Variants in ZNF492 observed in about 807,000 individuals in gnomAD.
The protein encoded by ZNF492 is zinc finger protein 492, also known as zinc finger protein 115 (Y20).
Under a neutral mutation model 6.4 loss-of-function variants are expected in ZNF492, and 3 were observed. That is an observed-to-expected ratio of 0.47 (90% CI 0.21 to 1.22). The LOEUF (loss-of-function observed/expected upper bound fraction) is 1.22, where lower values mean the gene tolerates loss of function less well. Ranked by LOEUF, ZNF492 falls within the 50% of genes most tolerant of loss-of-function variation. ZNF492 has a pLI of 0.22. For synonymous variants in ZNF492, 112 were observed against 205.3 expected, an observed-to-expected ratio of 0.55 and a Z score of 3.89; for missense variants, 356 against 612.5, an observed-to-expected ratio of 0.58 and a Z score of 4.42.
intron 1 of ZNF492, among the ~76,000 whole-genome samples, chr19:22,647,307 A>G (rs980715263): frequency 1.5e-5 from 2 of 132,490 alleles, no homozygotes; most frequent in Middle Eastern, 4.1e-3. Flanking sequence ...CCCAGGCTGG[A>G]GTGTAATTGT....
chr19:22,647,872 A>G (rs1321577164), intron 1 of ZNF492, among the ~76,000 whole-genome samples: 6 of 151,466 alleles, frequency 4.0e-5, no homozygotes, highest in African/African-American at 1.5e-4. Context: ...CTGGGATTAT[A>G]GGTGCCCACC....
intron 3 of ZNF492, among the ~76,000 whole-genome samples, chr19:22,655,916 C>T (rs1971992547): frequency 6.9e-6 from 1 of 144,344 alleles, no homozygotes; most frequent in Admixed American, 6.9e-5. Flanking sequence ...CCTCCACCTC[C>T]CAGGTTCAAG....
chr19:22,637,601 A>G (rs934464814), intron 1 of ZNF492, among the ~76,000 whole-genome samples: 3 of 152,132 alleles, frequency 2.0e-5, no homozygotes, highest in African/African-American at 4.8e-5. Context: ...CAGCCATACC[A>G]TATTTTCTTT....
intron 1 of ZNF492, among the ~76,000 whole-genome samples, chr19:22,640,335 T>A (rs1971814213): frequency 6.6e-6 from 1 of 152,164 alleles, no homozygotes; most frequent in Admixed American, 6.5e-5. Context: ...CTAATTTTTG[T>A]ATTTTTAGTA....
intron 1 of ZNF492, among the ~76,000 whole-genome samples, chr19:22,647,250 GTT>G (rs1267723518): frequency 2.2e-5 from 3 of 135,618 alleles, no homozygotes; most frequent in Non-Finnish European, 4.6e-5. Flanking sequence ...TTGTTTGTTT[GTT>G]TGTTGTTGTT....
At chr19:22,656,468 C>T (rs1361272643) in intron 3 of ZNF492, among the ~76,000 whole-genome samples, 1 of 152,170 alleles carries the variant, frequency 6.6e-6, no homozygotes, top group East Asian at 1.9e-4. Context: ...CCCATGGTCA[C>T]TGTGTGGGTT....
At chr19:22,646,536 A>G (rs1399866268) in intron 1 of ZNF492, among the ~76,000 whole-genome samples, 1 of 152,190 alleles carries the variant, frequency 6.6e-6, no homozygotes, top group Non-Finnish European at 1.5e-5. Context: ...TGCCCTGGCC[A>G]TAACTTCTAA....
At position 22,663,680 on chromosome 19, in the gene ZNF492, C is replaced by T. The variant is rs1024449688; in HGVS notation, c.131-120C>T. On this transcript the variant is annotated intron_variant, in intron 3 of 3. Coordinates refer to ENST00000456783, the MANE Select transcript of ZNF492 (RefSeq NM_020855.3). ...TTATATGTCTGTGAAAATGTTAGAG[C>T]GTGTAATATTTTGCTGTAACATCTT... 38 of 850,308 alleles carry T rather than the reference C, an allele frequency of 4.5e-5. 1 individual carries two copies. Among genetic ancestry groups the T allele is most frequent in the African/African-American group, 7.2e-5 (4 of 55,450 alleles). The allele number at this position is 850,308 out of a possible 1,614,324, so 52.7% of individuals were successfully genotyped here.
intron 3 of ZNF492, among the ~76,000 whole-genome samples, chr19:22,663,598 A>G (rs2145263400): frequency 6.6e-6 from 1 of 152,264 alleles, no homozygotes; most frequent in South Asian, 2.1e-4. Flanking sequence ...CACCTGGGGC[A>G]CTGCACACAC....
chr19:22,648,573 G>A (rs2145250683), intron 1 of ZNF492, among the ~76,000 whole-genome samples: 1 of 152,332 alleles, frequency 6.6e-6, no homozygotes, highest in East Asian at 1.9e-4. Flanking sequence ...GATTGTGTGG[G>A]CGTCTAAGTC....
chr19:22,645,472 C>T (rs1472647730), intron 1 of ZNF492, among the ~76,000 whole-genome samples: 1 of 152,058 alleles, frequency 6.6e-6, no homozygotes. Flanking sequence ...CTGTAGGTTG[C>T]CTGTTCACTC....
At chr19:22,645,681 T>C (rs111735465) in intron 1 of ZNF492, among the ~76,000 whole-genome samples, 1 of 152,226 alleles carries the variant, frequency 6.6e-6, no homozygotes, top group African/African-American at 2.4e-5. Context: ...TTAATCCATC[T>C]TGAGTAAATT....
intron 1 of ZNF492, among the ~76,000 whole-genome samples, chr19:22,650,814 C>T (rs1269084684): frequency 1.3e-5 from 2 of 152,096 alleles, no homozygotes; most frequent in African/African-American, 2.4e-5. Flanking sequence ...AGATGACTGC[C>T]GCCCTTCCCC....
At chr19:22,635,384 A>T (rs1156322896) in intron 1 of ZNF492, among the ~76,000 whole-genome samples, 1 of 152,226 alleles carries the variant, frequency 6.6e-6, no homozygotes, top group Non-Finnish European at 1.5e-5. Context: ...AAAATCTCAA[A>T]TGCCAACTTC....
intron 1 of ZNF492, among the ~76,000 whole-genome samples, chr19:22,636,186 G>A (rs556695443): frequency 4.0e-5 from 6 of 151,246 alleles, no homozygotes; most frequent in East Asian, 2.0e-4. Flanking sequence ...GGCAACCTCC[G>A]CCTCCCAGGT....
rs1186036109 is a variant in ZNF492 at position 22,652,237 on chromosome 19, T to A, written c.-93-1070T>A. On this transcript the variant is annotated intron_variant, in intron 1 of 3. Transcript: ENST00000456783. ...TTTCTTAGGCTTTTTTTTTTTTTTT[T>A]TGAGACGGAGTCTCGCTCTGTCGCC... Among the ~76,000 whole-genome samples the A allele has an allele frequency of 4.7e-5, 5 of 105,938 alleles. 1 individual carries two copies. Among genetic ancestry groups the A allele is most frequent in the Non-Finnish European group, 8.9e-5 (5 of 56,194 alleles). 69.5% of individuals were successfully genotyped at this position (105,938 alleles called of 152,430 possible). A position where few individuals can be genotyped will look rare whatever the true frequency, so the allele number is the denominator to read the frequency against.
rs1972117011 is a variant in ZNF492 at position 22,665,613 on chromosome 19, G to A, written c.*348G>A. On this transcript the variant is annotated 3_prime_UTR_variant, in exon 4 of 4. Transcript: ENST00000456783. ...CATTACAAATATAAACGAAGTTGTG[G>A]TAACTTTACTTGTAACACAGATCTT... The A allele has an allele frequency of 4.2e-6, 1 of 236,478 alleles. No homozygotes were observed. Among genetic ancestry groups the A allele is most frequent in the South Asian group, 6.2e-5 (1 of 16,080 alleles). The allele number at this position is 236,478 out of a possible 1,614,324, so 14.6% of individuals were successfully genotyped here. A position where few individuals can be genotyped will look rare whatever the true frequency, so the allele number is the denominator to read the frequency against.
At chr19:22,639,642 C>T (rs1170302559) in intron 1 of ZNF492, among the ~76,000 whole-genome samples, 2 of 144,998 alleles carry the variant, frequency 1.4e-5, no homozygotes, top group African/African-American at 5.4e-5. Flanking sequence ...ACCTGGGAGG[C>T]AGAGGTTGCA....
At chr19:22,640,302 C>G (rs1971813608) in intron 1 of ZNF492, among the ~76,000 whole-genome samples, 1 of 152,038 alleles carries the variant, frequency 6.6e-6, no homozygotes, top group Non-Finnish European at 1.5e-5. Flanking sequence ...AGCTGAATTA[C>G]AGGTGCTTGC....
Sources: gnomAD v4.1 joint callset for allele counts (sites outside exome capture counted in the v4.1 genomes callset) on GRCh38, gnomAD v4.1.1 for gene constraint, MANE v1.5 for transcripts, NCBI Gene and HGNC (gene_info 2026-07-23, HGNC 2026-07-21) for gene names.